The following VAC14 variants were observed in gnomAD, a reference collection of about 807,000 sequenced individuals.
VAC14 encodes the protein VAC14 component of PIKFYVE complex.
Under a neutral mutation model 85.3 loss-of-function variants are expected in VAC14, and 47 were observed. That is an observed-to-expected ratio of 0.55 (90% CI 0.44 to 0.70). VAC14 has a LOEUF of 0.70. Among genes scored for constraint, VAC14 ranks in the 30% least tolerant of loss-of-function variants. The pLI is 0.00. For missense variants in VAC14, 861 were observed against 1,004.3 expected, an observed-to-expected ratio of 0.86 and a Z score of 1.93; for synonymous variants, 447 against 430.5, an observed-to-expected ratio of 1.04 and a Z score of -0.47.
intron 9 of VAC14, among the ~76,000 whole-genome samples, chr16:70,774,414 T>C (rs146857046): frequency 6.6e-6 from 1 of 152,276 alleles, no homozygotes; most frequent in African/African-American, 2.4e-5. Flanking sequence ...CGGGGGAACG[T>C]GTTGTCTGTT....
intron 12 of VAC14, chr16:70,756,111 G>A (rs759491571): frequency 8.5e-5 from 39 of 456,612 alleles, no homozygotes; most frequent in South Asian, 7.7e-5. Context: ...TCTGTGGACC[G>A]GATGGCATGA....
chr16:70,772,202 G>C, intron 9 of VAC14, 30 bp from the exon 10 acceptor site: 1 of 1,602,080 alleles, frequency 6.2e-7, no homozygotes, highest in South Asian at 1.1e-5. Flanking sequence ...AAGGGGTCAT[G>C]AAAGGCTGTT....
At chr16:70,790,579 A>G (rs576666294) in intron 1 of VAC14, among the ~76,000 whole-genome samples, 2 of 152,286 alleles carry the variant, frequency 1.3e-5, no homozygotes, top group Admixed American at 1.3e-4. Context: ...GAGTACGAGG[A>G]AAGTGGCTCT....
Position 70,690,854 on chromosome 16 carries a change from C to T in VAC14, c.2186+1967G>A, listed in dbSNP as rs563092919. On this transcript the variant is annotated intron_variant, in intron 18 of 18. Transcript: ENST00000261776. ...CTATCTATGGTATCTCTTCCTAGGTCGTTGCAAAGTAAGGCTGGGGGTCCA... is the reference window on the plus strand; with the variant it reads ...CTATCTATGGTATCTCTTCCTAGGTTGTTGCAAAGTAAGGCTGGGGGTCCA... The T allele has an allele frequency of 4.1e-5, 40 of 985,524 alleles. 1 individual carries two copies. In the South Asian group the frequency reaches 5.2e-4, roughly 13 times the overall value. The allele number at this position is 985,524 out of a possible 1,614,324, so 61.0% of individuals were successfully genotyped here.
At position 70,801,019 on chromosome 16, in the gene VAC14, T is replaced by C; in HGVS notation, c.-119A>G. The C allele has an allele frequency of 5.0e-6, 3 of 596,844 alleles. No homozygotes were observed. The highest frequency in any genetic ancestry group is 8.0e-6 in the Non-Finnish European group (3 of 376,764). 37.0% of individuals were successfully genotyped at this position (596,844 alleles called of 1,614,324 possible). ...CGCCGGCGCATGGACCACGCCGCTCTAGGCTTGCCTGCCACGCTCCGCCGC... is the reference window on the plus strand; with the variant it reads ...CGCCGGCGCATGGACCACGCCGCTCCAGGCTTGCCTGCCACGCTCCGCCGC... On this transcript the variant is annotated 5_prime_UTR_variant, in exon 1 of 19. Coordinates refer to ENST00000261776, the MANE Select transcript of VAC14 (RefSeq NM_018052.5).
intron 9 of VAC14, among the ~76,000 whole-genome samples, chr16:70,774,739 CCCTT>C (rs57434926): frequency 0.062 from 8,973 of 143,976 alleles, 963 homozygotes; most frequent in African/African-American, 0.23. Context: ...CTCCCTCCCT[CCCTT>C]CCTTCCTTGT....
chr16:70,785,945 C>A, intron 2 of VAC14, 76 bp from the exon 3 acceptor site: 1 of 1,483,426 alleles, frequency 6.7e-7, no homozygotes, highest in South Asian at 1.3e-5. Flanking sequence ...TGCCAGCTGA[C>A]ATCCCAGCTC....
chr16:70,781,172 CCT>C (rs1032969236), intron 8 of VAC14, among the ~76,000 whole-genome samples: 2 of 152,130 alleles, frequency 1.3e-5, no homozygotes, highest in African/African-American at 4.8e-5. Flanking sequence ...AAGCCTCCCA[CCT>C]CTCTTGCTCC....
In VAC14 at chr16:70,762,602, A is replaced by G; in HGVS notation, c.1309T>C (p.Phe437Leu). 6.2e-7 allele frequency: 1 copy of G among 1,614,114 alleles called. No homozygotes were observed. Among genetic ancestry groups the G allele is most frequent in the Non-Finnish European group, 8.5e-7 (1 of 1,180,000 alleles). ...HLYIKTPRKM[F>L]RHTDSLFPIL... is the part of the protein sequence containing the mutation. Reference sequence around the variant, plus strand: ...GGAAAGAGGCTGTCCGTGTGCCGGAACATCTGGAGGGCAGAGAAGCAGGGG... The same window carrying G: ...GGAAAGAGGCTGTCCGTGTGCCGGAGCATCTGGAGGGCAGAGAAGCAGGGG... The change falls in exon 12 of 19, where the codon TTC (phenylalanine) becomes CTC (leucine). Residue 437 changes from phenylalanine (F) to leucine (L), a missense_variant. Coordinates refer to ENST00000261776, the MANE Select transcript of VAC14 (RefSeq NM_018052.5). This position sits in a 1 kb window ranked among gnomAD's most constrained non-coding sequence, Gnocchi z 4.1.
In VAC14 at chr16:70,801,146, T is replaced by C. The variant is rs1163105047; in HGVS notation, c.-246A>G. The C allele has an allele frequency of 9.7e-6, 4 of 414,118 alleles. No homozygotes were observed. The highest frequency in any genetic ancestry group is 9.2e-5 in the Admixed American group (2 of 21,672). 25.7% of individuals were successfully genotyped at this position (414,118 alleles called of 1,614,324 possible). A position where few individuals can be genotyped will look rare whatever the true frequency, so the allele number is the denominator to read the frequency against. ...AGCGGGACTCACGAGACAGCGGCCA[T>C]GTTACTCGAGTCACATGACTCTACA... On this transcript the variant is annotated 5_prime_UTR_variant, in exon 1 of 19. The change abolishes an upstream ATG in the 5' untranslated region. Coordinates refer to ENST00000261776, the MANE Select transcript of VAC14 (RefSeq NM_018052.5).
At chr16:70,701,044 T>C (rs2053816256) in intron 14 of VAC14, among the ~76,000 whole-genome samples, 1 of 152,122 alleles carries the variant, frequency 6.6e-6, no homozygotes, top group Admixed American at 6.5e-5. Context: ...CCAGAGAAGC[T>C]GGGGAATGCT....
Position 70,784,185 on chromosome 16 carries a change from C to A in VAC14, c.522G>T (p.Val174=). 1 of 1,614,170 alleles carries A rather than the reference C, an allele frequency of 6.2e-7. No homozygotes were observed. The highest frequency in any genetic ancestry group is 1.1e-5 in the South Asian group (1 of 91,074). ...IVTESNKFDL[V]SFIPLLRERI... ...TCTCTCGCAACAAGGGGATGAAGCT[C>A]ACCAGGTCAAACTTGTTGCTCTCAG... The change falls in exon 5 of 19, where the codon GTG becomes GTT. Residue 174 remains valine, a synonymous_variant. Coordinates refer to ENST00000261776, the MANE Select transcript of VAC14 (RefSeq NM_018052.5).
intron 13 of VAC14, among the ~76,000 whole-genome samples, chr16:70,736,355 A>G (rs891641461): frequency 1.3e-5 from 2 of 152,212 alleles, no homozygotes; most frequent in Admixed American, 1.3e-4. Flanking sequence ...GACCGTTCTC[A>G]TTCTGAGTCT....
At position 70,687,471 on chromosome 16, in the gene VAC14, G is replaced by A. The variant is rs1174371830; in HGVS notation, c.*457C>T. The A allele has an allele frequency of 2.0e-5, 3 of 153,090 alleles. No homozygotes were observed. The highest frequency in any genetic ancestry group is 1.3e-4 in the Admixed American group (2 of 15,270). The allele number at this position is 153,090 out of a possible 1,614,324, so 9.5% of individuals were successfully genotyped here. A position where few individuals can be genotyped will look rare whatever the true frequency, so the allele number is the denominator to read the frequency against. On this transcript the variant is annotated 3_prime_UTR_variant, in exon 19 of 19. Transcript: ENST00000261776. Reference sequence around the variant, plus strand: ...TTTTCTGTTATTTCTTTATTGGGGTGGGGGTGGGGTGCATCATTCAGATCT... The same window carrying A: ...TTTTCTGTTATTTCTTTATTGGGGTAGGGGTGGGGTGCATCATTCAGATCT...
At chr16:70,758,989 T>C (rs1284997179) in intron 12 of VAC14, among the ~76,000 whole-genome samples, 2 of 152,136 alleles carry the variant, frequency 1.3e-5, no homozygotes, top group Non-Finnish European at 2.9e-5. Context: ...GGGTGGAGAC[T>C]AACGAGGTGT....
chr16:70,730,147 C>T (rs1402721449), intron 14 of VAC14, among the ~76,000 whole-genome samples: 1 of 151,920 alleles, frequency 6.6e-6, no homozygotes, highest in Non-Finnish European at 1.5e-5. Flanking sequence ...AGTCTCGAAT[C>T]CTCATTCTCG....
chr16:70,786,462 G>T, intron 1 of VAC14, 97 bp from the exon 2 acceptor site: 1 of 1,501,822 alleles, frequency 6.7e-7, no homozygotes, highest in Middle Eastern at 1.8e-4. Flanking sequence ...TGACCTGTTT[G>T]GAAAGAGGAA....
intron 14 of VAC14, among the ~76,000 whole-genome samples, chr16:70,709,644 ACT>A (rs2053988223): frequency 2.6e-5 from 4 of 152,030 alleles, no homozygotes; most frequent in African/African-American, 9.7e-5. Flanking sequence ...CTGGACCCAA[ACT>A]CTGACCCAGC....
chr16:70,760,330 G>A (rs1374318073), intron 12 of VAC14, among the ~76,000 whole-genome samples: 1 of 152,122 alleles, frequency 6.6e-6, no homozygotes, highest in Non-Finnish European at 1.5e-5. Flanking sequence ...GAAGTTTCAG[G>A]AGAAGATGGG....
Sources: gnomAD v4.1 joint callset for allele counts (sites outside exome capture counted in the v4.1 genomes callset) on GRCh38, gnomAD v4.1.1 for gene constraint, Gnocchi (gnomAD v3.1) non-coding constraint, MANE v1.5 for transcripts, NCBI Gene and HGNC (gene_info 2026-07-23, HGNC 2026-07-21) for gene names.